LIFR: variants seen among roughly 807,000 people sequenced by gnomAD.
LIFR encodes leukemia inhibitory factor receptor.
LIFR carries 84 observed loss-of-function variants against 122.2 expected under a neutral mutation model. The ratio of observed to expected loss-of-function variants is 0.69; its 90% CI spans 0.58 to 0.82. LIFR has a LOEUF of 0.82. Among genes scored for constraint, LIFR ranks in the 40% least tolerant of loss-of-function variants. LIFR has a pLI of 0.00. For synonymous variants in LIFR, 422 were observed against 434.7 expected, an observed-to-expected ratio of 0.97 and a Z score of 0.36; for missense variants, 1,294 against 1,311.6, an observed-to-expected ratio of 0.99 and a Z score of 0.21.
rs112458059 is a variant in LIFR, at chr5:38,479,028, C to T, written c.*2567G>A. On this transcript the variant is annotated 3_prime_UTR_variant, in exon 20 of 20. Coordinates refer to ENST00000453190, the MANE Select transcript of LIFR (RefSeq NM_001127671.2). ...GCATGCAACCTTCATTGACAAACAG[C>T]GCACATTTACCAGTATCTCAGACAA... is the stretch of plus-strand genomic sequence containing the variant. The T allele has an allele frequency of 2.0e-3, 461 of 231,718 alleles. 2 individuals are homozygous for T. Among genetic ancestry groups the T allele is most frequent in the African/African-American group, 9.4e-3 (428 of 45,292 alleles). The allele number at this position is 231,718 out of a possible 1,614,324, so 14.4% of individuals were successfully genotyped here. A position where few individuals can be genotyped will look rare whatever the true frequency, so the allele number is the denominator to read the frequency against.
rs1028001602 is a variant in LIFR at position 38,489,660 on chromosome 5, C to T, written c.2168-415G>A. 4.6e-5 allele frequency among the ~76,000 whole-genome samples: 7 copies of T among 152,012 alleles called. No homozygotes were observed. In the South Asian group the frequency reaches 6.2e-4, roughly 14 times the overall value. On this transcript the variant is annotated intron_variant, in intron 15 of 19. Coordinates refer to ENST00000453190, the MANE Select transcript of LIFR (RefSeq NM_001127671.2). ...AGTTCAGATTTAATTTTCCTGAGGA[C>T]GAGTAAAATTGTGAAATGTAAACAT... is the stretch of plus-strand genomic sequence containing the variant.
chr5:38,536,854 A>C (rs189578625), intron 1 of LIFR, among the ~76,000 whole-genome samples: 95 of 152,336 alleles, frequency 6.2e-4, no homozygotes, highest in Middle Eastern at 6.8e-3. Flanking sequence ...TTGAAATTTA[A>C]CATTTGCTAC....
chr5:38,485,801 C>T lies in LIFR; in HGVS notation c.2497+18G>A. ...GCATGCAGGATGGAAAGCACCTCAACAGCAACCTGAAACTTACAATTTTCC... is the reference window on the plus strand; with the variant it reads ...GCATGCAGGATGGAAAGCACCTCAATAGCAACCTGAAACTTACAATTTTCC... On this transcript the variant is annotated intron_variant, in intron 17 of 19. Transcript: ENST00000453190. The T allele has an allele frequency of 6.2e-7, 1 of 1,613,890 alleles. No individual in the cohort carries two copies. Among genetic ancestry groups the T allele is most frequent in the South Asian group, 1.1e-5 (1 of 91,072 alleles).
chr5:38,528,558 C>G (rs1271936395), intron 3 of LIFR, 168 bp downstream of exon 3: 1 of 656,710 alleles, frequency 1.5e-6, no homozygotes, highest in African/African-American at 1.8e-5. Flanking sequence ...CCTCATAATG[C>G]TTGGTGCCCT....
chr5:38,524,192 G>A (rs1746551476), intron 4 of LIFR, among the ~76,000 whole-genome samples: 1 of 152,192 alleles, frequency 6.6e-6, no homozygotes, highest in Non-Finnish European at 1.5e-5. Context: ...GGTGTCAAGA[G>A]TCTCTCGTGC....
At chr5:38,502,973 T>C (rs1182652717) in intron 10 of LIFR, among the ~76,000 whole-genome samples, 174 bp from the exon 11 acceptor site, 2 of 152,138 alleles carry the variant, frequency 1.3e-5, no homozygotes, top group Non-Finnish European at 2.9e-5. Context: ...GTTTATCCAC[T>C]GTAATATTTT....
chr5:38,479,042 T>C lies in LIFR; in HGVS notation c.*2553A>G. ...TTGACAAACAGCGCACATTTACCAGTATCTCAGACAACTGAACATGTGACC... is the reference window on the plus strand; with the variant it reads ...TTGACAAACAGCGCACATTTACCAGCATCTCAGACAACTGAACATGTGACC... On this transcript the variant is annotated 3_prime_UTR_variant, in exon 20 of 20. Coordinates refer to ENST00000453190, the MANE Select transcript of LIFR (RefSeq NM_001127671.2). The C allele has an allele frequency of 4.3e-6, 1 of 231,604 alleles. No homozygotes were observed. 14.3% of individuals were successfully genotyped at this position (231,604 alleles called of 1,614,324 possible). A position where few individuals can be genotyped will look rare whatever the true frequency, so the allele number is the denominator to read the frequency against.
chr5:38,534,498 T>G (rs1747189049), intron 1 of LIFR, among the ~76,000 whole-genome samples: 1 of 152,208 alleles, frequency 6.6e-6, no homozygotes, highest in Non-Finnish European at 1.5e-5. Flanking sequence ...AGGACATAGC[T>G]GCAGTAACAA....
intron 11 of LIFR, among the ~76,000 whole-genome samples, chr5:38,500,268 C>T (rs578157438): frequency 3.3e-5 from 5 of 152,316 alleles, no homozygotes; most frequent in Non-Finnish European, 7.3e-5. Flanking sequence ...TCTGTTTTAT[C>T]TGCTGCTATA....
chr5:38,531,692 G>A (rs1354874111), intron 1 of LIFR, among the ~76,000 whole-genome samples: 2 of 152,112 alleles, frequency 1.3e-5, no homozygotes, highest in African/African-American at 4.8e-5. Flanking sequence ...AATTGAAAAT[G>A]TGGGAAAAGA....
chr5:38,485,641 A>T, intron 17 of LIFR, 178 bp downstream of exon 17: 1 of 647,262 alleles, frequency 1.5e-6, no homozygotes, highest in Non-Finnish European at 2.7e-6. Flanking sequence ...AATAACTGAC[A>T]AGAATAAACA....
intron 5 of LIFR, among the ~76,000 whole-genome samples, chr5:38,521,972 C>A (rs1392967957): frequency 1.3e-5 from 2 of 152,108 alleles, no homozygotes; most frequent in African/African-American, 4.8e-5. Context: ...TGTCCTCAGG[C>A]CCTCTCGTAG....
Position 38,509,647 on chromosome 5 carries a change from C to T in LIFR, c.991+817G>A, listed in dbSNP as rs148829878. Reference sequence around the variant, plus strand: ...ATCTATCTTATACACATTATTCAGGCGACCTTTAGACCAAAATCCCAGACT... The same window carrying T: ...ATCTATCTTATACACATTATTCAGGTGACCTTTAGACCAAAATCCCAGACT... On this transcript the variant is annotated intron_variant, in intron 7 of 19. Coordinates refer to ENST00000453190, the MANE Select transcript of LIFR (RefSeq NM_001127671.2). 2.2e-4 allele frequency among the ~76,000 whole-genome samples: 34 copies of T among 152,216 alleles called. 1 individual carries two copies. The highest frequency in any genetic ancestry group is 4.7e-4 in the Non-Finnish European group (32 of 68,010).
At chr5:38,491,688 T>C (rs1484504602) in intron 14 of LIFR, among the ~76,000 whole-genome samples, 1 of 152,222 alleles carries the variant, frequency 6.6e-6, no homozygotes, top group African/African-American at 2.4e-5. Context: ...ACTTCTAACA[T>C]CATACAACCC....
chr5:38,538,076 A>T (rs971549753), intron 1 of LIFR, among the ~76,000 whole-genome samples: 5 of 152,320 alleles, frequency 3.3e-5, no homozygotes, highest in Admixed American at 1.3e-4. Context: ...GCCATATAAA[A>T]TTAATTTCAG....
At chr5:38,510,379 A>C in intron 7 of LIFR, 85 bp downstream of exon 7, 260 of 1,059,574 alleles carry the variant, frequency 2.5e-4, no homozygotes, top group Non-Finnish European at 2.8e-4. Flanking sequence ...CACTCCTCCC[A>C]CCCCCCCACT....
chr5:38,514,248 G>C (rs1351051404), intron 5 of LIFR, among the ~76,000 whole-genome samples: 1 of 152,078 alleles, frequency 6.6e-6, no homozygotes, highest in East Asian at 1.9e-4. Flanking sequence ...ACAAATCAAA[G>C]AAATAAAACA....
intron 1 of LIFR, among the ~76,000 whole-genome samples, chr5:38,569,021 G>C (rs1217238159): frequency 6.6e-6 from 1 of 152,204 alleles, no homozygotes. Context: ...CCCAGGAAGA[G>C]GTCATGACCT....
rs1367142179 is a variant in LIFR, at chr5:38,553,849, A to G, written c.-20+2485T>C. On this transcript the variant is annotated intron_variant, in intron 1 of 19. Coordinates refer to ENST00000453190, the MANE Select transcript of LIFR (RefSeq NM_001127671.2). ...CTTTTACAATTTATTCTTTTTCAAG[A>G]GCATGCTGACGAGACCCCAATTTTT... 2.0e-5 allele frequency among the ~76,000 whole-genome samples: 3 copies of G among 151,338 alleles called. No homozygotes were observed. The East Asian group carries it at 5.8e-4, about 29-fold the overall frequency.
Sources: gnomAD v4.1 joint callset for allele counts (sites outside exome capture counted in the v4.1 genomes callset) on GRCh38, gnomAD v4.1.1 for gene constraint, MANE v1.5 for transcripts, NCBI Gene and HGNC (gene_info 2026-07-23, HGNC 2026-07-21) for gene names.